LARGE1: variants seen among roughly 807,000 people sequenced by gnomAD.
LARGE1 encodes the protein LARGE xylosyl- and glucuronyltransferase 1.
A neutral mutation model predicts 87.6 loss-of-function variants in LARGE1; 43 were observed. The observed-to-expected ratio is 0.49, with a 90% CI of 0.38 to 0.63. The LOEUF (loss-of-function observed/expected upper bound fraction) is 0.63. LARGE1 is among the 30% of genes least tolerant of loss of function. The pLI is 0.00. For missense variants in LARGE1, 802 were observed against 1,000.2 expected (o/e 0.80, Z 2.67); for synonymous variants, 434 against 394.6 (o/e 1.10, Z -1.18).
In LARGE1 at chr22:33,195,041, T is replaced by G. The variant is rs934308359; in HGVS notation, c.1731-28209A>C. ...ACATTAAAGGAATAAATTAACCAAC[T>G]ATTTATTTTTTAAAATCTGTGTTCA... is the stretch of plus-strand genomic sequence containing the variant. On this transcript the variant is annotated intron_variant, in intron 11 of 11. Transcript: ENST00000608642. Among the ~76,000 whole-genome samples, 5 of 152,292 alleles carry G rather than the reference T, an allele frequency of 3.3e-5. No homozygotes were observed. In the South Asian group the frequency reaches 1.0e-3, roughly 32 times the overall value.
In LARGE1 at chr22:33,416,615, T is replaced by A. The variant is rs191188121; in HGVS notation, c.892+15546A>T. Among the ~76,000 whole-genome samples, 317 of 152,278 alleles carry A rather than the reference T, an allele frequency of 2.1e-3. 1 individual carries two copies. Among genetic ancestry groups the A allele is most frequent in the Non-Finnish European group, 3.0e-3 (201 of 68,028 alleles). On this transcript the variant is annotated intron_variant, in intron 7 of 14. Coordinates refer to ENST00000397394, the MANE Select transcript of LARGE1 (RefSeq NM_133642.5). ...CACCCATTTTCTTTTTTACTTTCTT[T>A]TTTTTTGAGACGGAGTCTCGCATTG... is the stretch of plus-strand genomic sequence containing the variant.
the LARGE1 span, among the ~76,000 whole-genome samples, chr22:33,067,406 T>C: frequency 6.6e-6 from 1 of 152,170 alleles, no homozygotes; most frequent in Non-Finnish European, 1.5e-5. Flanking sequence ...TTAAATAGTG[T>C]GTGTGATCTT....
the LARGE1 span, among the ~76,000 whole-genome samples, chr22:33,148,886 C>T: frequency 2.6e-5 from 4 of 151,892 alleles, no homozygotes; most frequent in African/African-American, 9.7e-5. Context: ...AATGTCTGTC[C>T]AGGTTTTGCC....
At chr22:33,659,447 T>A (rs1376934276) in intron 2 of LARGE1, among the ~76,000 whole-genome samples, 1 of 152,050 alleles carries the variant, frequency 6.6e-6, no homozygotes, top group African/African-American at 2.4e-5. Flanking sequence ...GAGAGCTGAG[T>A]CTGCCAACGT....
chr22:33,771,993 T>A (rs62225420), intron 1 of LARGE1, among the ~76,000 whole-genome samples: 11,053 of 152,256 alleles, frequency 0.073, 516 homozygotes, highest in Admixed American at 0.11. Flanking sequence ...CATCGCCCCA[T>A]GCCCGTGGCT....
chr22:33,096,566 G>GTTTTTTTT, the LARGE1 span, among the ~76,000 whole-genome samples: 2 of 107,884 alleles, frequency 1.9e-5, no homozygotes, highest in Non-Finnish European at 4.4e-5. Context: ...TTTTGTTTTT[G>GTTTTTTTT]TTTTTTTTTT....
intron 6 of LARGE1, among the ~76,000 whole-genome samples, chr22:33,465,990 C>T (rs369265825): frequency 6.6e-6 from 1 of 152,156 alleles, no homozygotes. Flanking sequence ...GTTCCCTACT[C>T]GAAAAGTCTA....
intron 1 of LARGE1, chr22:33,873,424 T>C (rs547225080): frequency 6.6e-6 from 1 of 152,438 alleles, no homozygotes; most frequent in South Asian, 2.1e-4. Context: ...ATGGAGCACT[T>C]CCTGCCCCCG....
At chr22:33,880,827 C>T (rs1238634336) in intron 1 of LARGE1, among the ~76,000 whole-genome samples, 3 of 152,188 alleles carry the variant, frequency 2.0e-5, no homozygotes, top group Non-Finnish European at 2.9e-5. Flanking sequence ...CTCCCTCACA[C>T]CTGCCTCGCT....
At chr22:33,245,409 T>G (rs1215838082) in intron 11 of LARGE1, among the ~76,000 whole-genome samples, 1 of 152,210 alleles carries the variant, frequency 6.6e-6, no homozygotes, top group Non-Finnish European at 1.5e-5. Context: ...ACAAGCAAAG[T>G]GCCTTGAGCA....
the LARGE1 span, among the ~76,000 whole-genome samples, chr22:33,134,453 T>G: frequency 6.6e-6 from 1 of 152,084 alleles, no homozygotes; most frequent in East Asian, 1.9e-4. Context: ...GAGACGGGAT[T>G]TCACCGTGTT....
chr22:33,773,694 G>T (rs2085141978), intron 1 of LARGE1, among the ~76,000 whole-genome samples: 1 of 152,214 alleles, frequency 6.6e-6, no homozygotes, highest in African/African-American at 2.4e-5. Flanking sequence ...CAGCTCTGCA[G>T]ATACAAGCTG....
chr22:33,822,082 T>C (rs9941966), intron 1 of LARGE1, among the ~76,000 whole-genome samples: 1,544 of 152,242 alleles, frequency 0.01, 26 homozygotes, highest in African/African-American at 0.035. Context: ...TGATCCCGGT[T>C]AATTATGTAT....
chr22:33,712,059 T>C (rs1005274009), intron 2 of LARGE1, among the ~76,000 whole-genome samples: 1 of 152,166 alleles, frequency 6.6e-6, no homozygotes, highest in Non-Finnish European at 1.5e-5. Flanking sequence ...TGCCATTTTA[T>C]AAAGGCAGAA....
intron 9 of LARGE1, among the ~76,000 whole-genome samples, chr22:33,345,085 T>G (rs1286133140): frequency 6.6e-6 from 1 of 152,216 alleles, no homozygotes; most frequent in Admixed American, 6.5e-5. Context: ...CAAGTAGTAA[T>G]AATAATAATT....
the LARGE1 span, among the ~76,000 whole-genome samples, chr22:33,085,734 G>T: frequency 6.6e-6 from 1 of 152,086 alleles, no homozygotes; most frequent in African/African-American, 2.4e-5. Context: ...TATAATTTCA[G>T]CAAATTCTCA....
intron 11 of LARGE1, among the ~76,000 whole-genome samples, chr22:33,218,574 C>T (rs999429841): frequency 6.6e-6 from 1 of 152,130 alleles, no homozygotes; most frequent in Non-Finnish European, 1.5e-5. Flanking sequence ...GTTGTCTGTA[C>T]ATGCCATGAT....
intron 1 of LARGE1, among the ~76,000 whole-genome samples, chr22:33,910,563 C>T (rs192535555): frequency 6.6e-6 from 1 of 152,324 alleles, no homozygotes; most frequent in Admixed American, 6.5e-5. Flanking sequence ...GACTCTTCCT[C>T]CCTCACCAAG....
chr22:33,743,915 A>G (rs1456241742), intron 2 of LARGE1: 1 of 152,206 alleles, frequency 6.6e-6, no homozygotes, highest in Non-Finnish European at 1.5e-5. Flanking sequence ...TGGAGATTCA[A>G]TGAGAAAGTG....
Sources: gnomAD v4.1 joint callset for allele counts (sites outside exome capture counted in the v4.1 genomes callset) on GRCh38, gnomAD v4.1.1 for gene constraint, MANE v1.5 for transcripts, NCBI Gene and HGNC (gene_info 2026-07-23, HGNC 2026-07-21) for gene names.